Variants in CR2 observed in about 807,000 individuals in gnomAD.
CR2 encodes the protein complement C3d receptor 2.
A neutral mutation model predicts 123.0 loss-of-function variants in CR2; 96 were observed. That is an observed-to-expected ratio of 0.78 (90% CI 0.66 to 0.93). The LOEUF is 0.93. Ranked by LOEUF, CR2 falls within the 40% of genes least tolerant of loss-of-function variation. CR2 has a pLI of 0.00. For missense variants in CR2, 1,258 were observed against 1,361.0 expected (o/e 0.92, Z 1.19); for synonymous variants, 484 against 469.5 (o/e 1.03, Z -0.40).
chr1:207,475,568 T>C (rs1658414183), intron 14 of CR2, among the ~76,000 whole-genome samples: 1 of 152,226 alleles, frequency 6.6e-6, no homozygotes. Context: ...TAAGGCTATG[T>C]TGCCAGCCAG....
chr1:207,473,438 A>G, intron 10 of CR2, 107 bp from the exon 11 acceptor site: 1 of 1,271,432 alleles, frequency 7.9e-7, no homozygotes, highest in Non-Finnish European at 1.1e-6. Context: ...GAGCTTCATG[A>G]TCTTTGGCAT....
At chr1:207,476,185 A>G (rs760380969) in intron 14 of CR2, 49 bp from the exon 15 acceptor site, 8 of 1,560,552 alleles carry the variant, frequency 5.1e-6, no homozygotes. Context: ...AGTGCAGGCT[A>G]TGTGTTCCTC....
chr1:207,485,210 A>T (rs1425731664), intron 18 of CR2, among the ~76,000 whole-genome samples: 1 of 152,204 alleles, frequency 6.6e-6, no homozygotes, highest in Non-Finnish European at 1.5e-5. Flanking sequence ...TAGGGGAGGG[A>T]TAGTATTAGG....
rs201254169 is a variant in CR2 at position 207,475,019 on chromosome 1, G to C, written c.2519G>C (p.Arg840Pro). The change falls in exon 14 of 20, where the codon CGA (arginine) becomes CCA (proline). Residue 840 changes from arginine to proline, a missense_variant. Transcript: ENST00000367057. ...SWSGPSPQCL[R>P]SPPVTRCPNP... ...AGCGGGCCTTCCCCACAGTGCTTACGATCTCCTCCTGTGACTCGCTGCCCT... is the reference window on the plus strand; with the variant it reads ...AGCGGGCCTTCCCCACAGTGCTTACCATCTCCTCCTGTGACTCGCTGCCCT... The C allele has an allele frequency of 6.2e-7, 1 of 1,614,068 alleles. No homozygotes were observed. The highest frequency in any genetic ancestry group is 2.2e-5 in the East Asian group (1 of 44,886).
Position 207,460,530 on chromosome 1 carries a change from A to G in CR2, c.59-5996A>G, listed in dbSNP as rs146923426. ...GAGATTATAAATTTGATATTTAAAT[A>G]CACTGCTATTCTAGGAGGGCCTTAC... On this transcript the variant is annotated intron_variant, in intron 1 of 19. Transcript: ENST00000367057. Among the ~76,000 whole-genome samples the G allele has an allele frequency of 4.1e-3, 617 of 152,322 alleles. 3 individuals carry two copies. Among genetic ancestry groups the G allele is most frequent in the African/African-American group, 0.012 (498 of 41,572 alleles).
intron 18 of CR2, among the ~76,000 whole-genome samples, chr1:207,483,701 T>A (rs1244018766): frequency 6.6e-6 from 1 of 151,846 alleles, no homozygotes; most frequent in Non-Finnish European, 1.5e-5. Context: ...ATGAAGGCGA[T>A]GAGGTGGACC....
intron 19 of CR2, 44 bp downstream of exon 19, chr1:207,485,616 C>T (rs868577837): frequency 8.5e-7 from 1 of 1,170,332 alleles, no homozygotes; most frequent in Non-Finnish European, 1.3e-6. Context: ...TATAAAATTT[C>T]CTTCAACTTG....
rs1451681042 is a variant in CR2, at chr1:207,454,754, C to G, written c.58+278C>G. On this transcript the variant is annotated intron_variant, in intron 1 of 19. Transcript: ENST00000367057. This position sits in a 1 kb window ranked among gnomAD's most constrained non-coding sequence, Gnocchi z 4.3. ...GTGGCTGGCGGCGTGCGGGTGCTCG[C>G]GGTCTCCTGCCGGGCTCCCCGCCCC... 1 of 385,214 alleles carries G rather than the reference C, an allele frequency of 2.6e-6. No individual in the cohort carries two copies. The highest frequency in any genetic ancestry group is 5.7e-5 in the South Asian group (1 of 17,678). 23.9% of individuals were successfully genotyped at this position (385,214 alleles called of 1,614,324 possible). A position where few individuals can be genotyped will look rare whatever the true frequency, so the allele number is the denominator to read the frequency against.
chr1:207,471,448 C>T lies in CR2; in HGVS notation c.1519C>T (p.Gln507Ter). ...GTACAAGTTAAGTGGGAGTGTTTAT[C>T]AGGAGTGTCAAGGCACAATTCCTTG... ...EGYKLSGSVYQECQGTIPWFM... is the reference protein window; with the variant it reads ...EGYKLSGSVY The change falls in exon 9 of 20, where the codon CAG becomes TAG. Residue 507 changes from glutamine (Q) to a stop codon, truncating the protein, a stop_gained. Coordinates refer to ENST00000367057, the MANE Select transcript of CR2 (RefSeq NM_001006658.3). LOFTEE classifies it high-confidence loss of function. 1 of 1,613,028 alleles carries T rather than the reference C, an allele frequency of 6.2e-7. No homozygotes were observed. The highest frequency in any genetic ancestry group is 8.5e-7 in the Non-Finnish European group (1 of 1,179,176).
chr1:207,459,592 A>G (rs1290989326), intron 1 of CR2, among the ~76,000 whole-genome samples: 1 of 152,170 alleles, frequency 6.6e-6, no homozygotes, highest in East Asian at 1.9e-4. Flanking sequence ...AATTAAATAT[A>G]TCTCTGTTCA....
chr1:207,456,121 A>C (rs1173764012), intron 1 of CR2, among the ~76,000 whole-genome samples: 39 of 152,226 alleles, frequency 2.6e-4, no homozygotes, highest in Non-Finnish European at 4.4e-5. Flanking sequence ...AAAGGCCTCC[A>C]GTGGAAGAAA....
At chr1:207,479,533 G>A (rs868158010) in intron 17 of CR2, among the ~76,000 whole-genome samples, 1 of 152,150 alleles carries the variant, frequency 6.6e-6, no homozygotes, top group Non-Finnish European at 1.5e-5. Context: ...AACTGTTGGT[G>A]TTTGGCTTGA....
chr1:207,455,873 C>T (rs1432090342), intron 1 of CR2, among the ~76,000 whole-genome samples: 2 of 152,172 alleles, frequency 1.3e-5, no homozygotes, highest in African/African-American at 4.8e-5. Context: ...ACCAGGTCTA[C>T]CTATCAGCCA....
intron 18 of CR2, among the ~76,000 whole-genome samples, chr1:207,483,140 C>G (rs1388209632): frequency 1.3e-5 from 2 of 152,042 alleles, no homozygotes; most frequent in Non-Finnish European, 2.9e-5. Flanking sequence ...GAAGTCTTAC[C>G]AACTCTCAGG....
At chr1:207,487,368 C>T (rs1041182658) in intron 19 of CR2, among the ~76,000 whole-genome samples, 2 of 152,144 alleles carry the variant, frequency 1.3e-5, no homozygotes, top group Non-Finnish European at 1.5e-5. Flanking sequence ...CTCACTGCAG[C>T]CTCTACTTCC....
At chr1:207,478,608 A>G (rs1042736893) in intron 16 of CR2, among the ~76,000 whole-genome samples, 3 of 151,376 alleles carry the variant, frequency 2.0e-5, no homozygotes, top group Admixed American at 1.3e-4. Context: ...CAACTTTCTT[A>G]GGATGGGGAA....
chr1:207,466,568 T>C lies in CR2; in HGVS notation c.101T>C (p.Ile34Thr). The change falls in exon 2 of 20, where the codon ATT becomes ACT. Residue 34 changes from isoleucine to threonine, a missense_variant. Transcript: ENST00000367057. ...CCTCCGCCTATCCTAAATGGCCGGA[T>C]TAGTTATTATTCTACCCCCATTGCT... The part of the protein sequence containing the change: ...GSPPPILNGR[I>T]SYYSTPIAVG... 1 of 1,614,138 alleles carries C rather than the reference T, an allele frequency of 6.2e-7. No homozygotes were observed. The highest frequency in any genetic ancestry group is 8.5e-7 in the Non-Finnish European group (1 of 1,180,000).
At position 207,474,442 on chromosome 1, in the gene CR2, G is replaced by A; in HGVS notation, c.2323+119G>A. On this transcript the variant is annotated intron_variant, in intron 13 of 19. Coordinates refer to ENST00000367057, the MANE Select transcript of CR2 (RefSeq NM_001006658.3). The stretch of plus-strand genomic sequence containing the variant: ...TAGGCGTCTCCCTCATTGGAGGTTA[G>A]ATAAGAAAAATCTTATGGTGTTGGT... 7.7e-6 allele frequency: 6 copies of A among 784,060 alleles called. No individual in the cohort carries two copies. The South Asian group carries it at 8.8e-5, about 12-fold the overall frequency. The allele number at this position is 784,060 out of a possible 1,614,324, so 48.6% of individuals were successfully genotyped here. A position where few individuals can be genotyped will look rare whatever the true frequency, so the allele number is the denominator to read the frequency against.
At chr1:207,469,105 G>A in intron 4 of CR2, 45 bp from the exon 5 acceptor site, 1 of 1,549,128 alleles carries the variant, frequency 6.5e-7, no homozygotes. Context: ...CTGTTCTTCA[G>A]CACAAACTGC....
Sources: allele counts gnomAD v4.1 joint callset (sites outside exome capture counted in the v4.1 genomes callset), GRCh38; gene constraint gnomAD v4.1.1; non-coding constraint Gnocchi (gnomAD v3.1); transcripts MANE v1.5; gene names NCBI Gene and HGNC (gene_info 2026-07-23, HGNC 2026-07-21).